The following NEDD9 variants were observed in gnomAD, a reference collection of about 807,000 sequenced individuals.
NEDD9 encodes enhancer of filamentation 1.
In NEDD9, 26 loss-of-function variants were observed where a neutral mutation model predicts 76.6. That is an observed-to-expected ratio of 0.34 (90% confidence interval 0.25 to 0.47). The LOEUF (loss-of-function observed/expected upper bound fraction) is 0.47, where lower values mean the gene tolerates loss of function less well. NEDD9 is among the 20% of genes least tolerant of loss of function. NEDD9 has a pLI of 1.00. For synonymous variants in NEDD9, 392 were observed against 414.2 expected (o/e 0.95, Z 0.65); for missense variants, 937 against 1,058.5 (o/e 0.89, Z 1.59).
At chr6:11,355,464 T>G (rs545162462) in intron 1 of NEDD9, among the ~76,000 whole-genome samples, 1 of 152,294 alleles carries the variant, frequency 6.6e-6, no homozygotes, top group Admixed American at 6.5e-5. Context: ...GTGGGTGTCG[T>G]GAAGTCTCCG....
intron 3 of NEDD9, among the ~76,000 whole-genome samples, chr6:11,276,957 A>G (rs1760430390): frequency 6.6e-6 from 1 of 152,162 alleles, no homozygotes; most frequent in African/African-American, 2.4e-5. Context: ...AAACAAACAA[A>G]CAAACAAACA....
Position 11,213,254 on chromosome 6 carries a change from CA to C in NEDD9, c.459+26del. The C allele has an allele frequency of 6.5e-7, 1 of 1,546,308 alleles. No individual in the cohort carries two copies. The highest frequency in any genetic ancestry group is 8.7e-7 in the Non-Finnish European group (1 of 1,146,758). On this transcript the variant is annotated intron_variant, in intron 2 of 6. Transcript: ENST00000379446. This position sits in a 1 kb window ranked among gnomAD's most constrained non-coding sequence, Gnocchi z 5.4. The stretch of plus-strand genomic sequence containing the variant: ...AATGGGAAAAAAAAATAAGTAGGAA[CA>C]AAAATTTAGTTAGTCATTTACTCAC...
Position 11,184,977 on chromosome 6 carries a change from G to GA in NEDD9, c.*184dup, listed in dbSNP as rs1160666934. The stretch of plus-strand genomic sequence containing the variant: ...TGTATACATAAGAACCACTCAGGGG[G>GA]AAAAAAAAAGATTTCCCTCTCCAGC... On this transcript the variant is annotated 3_prime_UTR_variant, in exon 7 of 7. Transcript: ENST00000379446. 8.1e-4 allele frequency: 567 copies of GA among 697,184 alleles called. No homozygotes were observed. Among genetic ancestry groups the GA allele is most frequent in the Non-Finnish European group, 9.9e-4 (450 of 452,574 alleles). The allele number at this position is 697,184 out of a possible 1,614,324, so 43.2% of individuals were successfully genotyped here. A position where few individuals can be genotyped will look rare whatever the true frequency, so the allele number is the denominator to read the frequency against.
chr6:11,194,719 C>G (rs1197657707), intron 2 of NEDD9, among the ~76,000 whole-genome samples: 1 of 152,190 alleles, frequency 6.6e-6, no homozygotes, highest in African/African-American at 2.4e-5. Context: ...CAAGGGATAT[C>G]AGAAGTCAAA....
At chr6:11,185,712 G>C in intron 6 of NEDD9, 41 bp from the exon 7 acceptor site, 1 of 1,604,826 alleles carries the variant, frequency 6.2e-7, no homozygotes. Flanking sequence ...GAGCAAGGGA[G>C]TGTGTTGCAA....
rs370363469 is a variant in NEDD9, at chr6:11,191,161, A to C, written c.708T>G (p.Leu236=). ...GGGGGAAGTCATAGTCTTTTTCCCT[A>C]AGCCCTGCTTCATCCCGGCAAGCAG... ...PPSACRDEAG[L]REKDYDFPPP... The change falls in exon 5 of 7, where the codon CTT becomes CTG. Residue 236 remains leucine (L), a synonymous_variant. Coordinates refer to ENST00000379446, the MANE Select transcript of NEDD9 (RefSeq NM_006403.4). 297 of 1,612,916 alleles carry C rather than the reference A, an allele frequency of 1.8e-4. No homozygotes were observed. The highest frequency in any genetic ancestry group is 2.5e-4 in the Non-Finnish European group (293 of 1,179,554).
At chr6:11,322,228 C>T (rs182882146) in intron 2 of NEDD9, among the ~76,000 whole-genome samples, 8 of 152,008 alleles carry the variant, frequency 5.3e-5, no homozygotes, top group Non-Finnish European at 1.0e-4. Context: ...CTAATGCATG[C>T]GGGGCTTAAA....
intron 2 of NEDD9, among the ~76,000 whole-genome samples, chr6:11,324,228 C>A (rs73362895): frequency 6.6e-6 from 1 of 152,272 alleles, no homozygotes; most frequent in African/African-American, 2.4e-5. Context: ...AACCAGTAAT[C>A]TGGCTTTTCT....
chr6:11,195,832 T>TA (rs747931339), intron 2 of NEDD9, among the ~76,000 whole-genome samples: 4 of 152,030 alleles, frequency 2.6e-5, no homozygotes, highest in East Asian at 3.9e-4. Context: ...CCGTCTTTAC[T>TA]AAAAATATAA....
chr6:11,201,037 T>C, intron 2 of NEDD9: 1 of 1,614,260 alleles, frequency 6.2e-7, no homozygotes, highest in Non-Finnish European at 8.5e-7. Flanking sequence ...TGCCCATCTC[T>C]CTGGAACACC....
At position 11,355,445 on chromosome 6, in the gene NEDD9, G is replaced by A. The variant is rs562530794; in HGVS notation, c.-213-20884C>T. Among the ~76,000 whole-genome samples, 42 of 152,266 alleles carry A rather than the reference G, an allele frequency of 2.8e-4. No individual in the cohort carries two copies. The South Asian group carries it at 7.7e-3, about 28-fold the overall frequency. On this transcript the variant is annotated intron_variant, in intron 1 of 3. Coordinates refer to the NEDD9 transcript ENST00000397378. ...ACAACAATAATAAATCAGCCAAAACGCAAGAACTGTGGGTGTCGTGAAGTC... is the reference window on the plus strand; with the variant it reads ...ACAACAATAATAAATCAGCCAAAACACAAGAACTGTGGGTGTCGTGAAGTC...
chr6:11,331,749 A>G (rs997512290), intron 2 of NEDD9, among the ~76,000 whole-genome samples: 1 of 152,180 alleles, frequency 6.6e-6, no homozygotes, highest in Admixed American at 6.5e-5. Flanking sequence ...TTGTTGTGGA[A>G]TAAGGTCAAT....
intron 3 of NEDD9, among the ~76,000 whole-genome samples, chr6:11,294,400 C>T (rs988396444): frequency 2.6e-5 from 4 of 152,004 alleles, no homozygotes; most frequent in African/African-American, 7.3e-5. Context: ...TTGCTGTTCT[C>T]GTGATAGTGA....
chr6:11,225,942 A>T (rs1289252927), intron 1 of NEDD9, among the ~76,000 whole-genome samples: 2 of 151,496 alleles, frequency 1.3e-5, no homozygotes, highest in East Asian at 3.9e-4. Context: ...ACCATGAAAA[A>T]CTGCTGTCAG....
At chr6:11,256,811 C>T (rs1315913900) in intron 3 of NEDD9, among the ~76,000 whole-genome samples, 1 of 152,194 alleles carries the variant, frequency 6.6e-6, no homozygotes, top group Non-Finnish European at 1.5e-5. Flanking sequence ...AGAGCCTTTG[C>T]AGTAGGCTGT....
chr6:11,224,121 G>A (rs1167639661), intron 1 of NEDD9, among the ~76,000 whole-genome samples: 1 of 152,216 alleles, frequency 6.6e-6, no homozygotes, highest in African/African-American at 2.4e-5. Context: ...CAAAGGATGG[G>A]AATGTAAGTA....
chr6:11,240,255 C>T (rs147357108), intron 3 of NEDD9, among the ~76,000 whole-genome samples: 27 of 152,154 alleles, frequency 1.8e-4, no homozygotes, highest in African/African-American at 4.6e-4. Flanking sequence ...TAGGTTACAG[C>T]GACGCGGTGG....
chr6:11,202,386 CT>C, intron 2 of NEDD9, among the ~76,000 whole-genome samples: 1 of 152,302 alleles, frequency 6.6e-6, no homozygotes, highest in Non-Finnish European at 1.5e-5. Flanking sequence ...ATTTATTAGA[CT>C]TTATAATAAC....
At chr6:11,317,691 G>A (rs960569155) in intron 2 of NEDD9, among the ~76,000 whole-genome samples, 7 of 152,116 alleles carry the variant, frequency 4.6e-5, no homozygotes, top group Non-Finnish European at 8.8e-5. Flanking sequence ...TCTCTTTCTA[G>A]AAACTTGGCT....
Sources: allele counts gnomAD v4.1 joint callset (sites outside exome capture counted in the v4.1 genomes callset), GRCh38; gene constraint gnomAD v4.1.1; non-coding constraint Gnocchi (gnomAD v3.1); transcripts MANE v1.5; gene names NCBI Gene and HGNC (gene_info 2026-07-23, HGNC 2026-07-21).